The following ATP8A2 variants were observed in gnomAD, a reference collection of about 807,000 sequenced individuals.
ATP8A2 encodes phospholipid-transporting ATPase IB.
In ATP8A2, 100 loss-of-function variants were observed where a neutral mutation model predicts 165.6. The observed-to-expected ratio is 0.60, with a 90% confidence interval of 0.51 to 0.71. The LOEUF is 0.71. Among genes scored for constraint, ATP8A2 ranks in the 30% least tolerant of loss-of-function variants. The pLI is 0.00. For missense variants in ATP8A2, 1,227 were observed against 1,479.5 expected (o/e 0.83, Z 2.80); for synonymous variants, 543 against 548.8 (o/e 0.99, Z 0.15).
intron 33 of ATP8A2, among the ~76,000 whole-genome samples, chr13:25,869,599 A>G (rs9553667): frequency 0.035 from 5,373 of 152,330 alleles, 208 homozygotes; most frequent in East Asian, 0.18. Flanking sequence ...GATAATATCT[A>G]TCTTAGGATT....
At chr13:25,432,692 C>A (rs1331717015) in intron 1 of ATP8A2, among the ~76,000 whole-genome samples, 2 of 151,932 alleles carry the variant, frequency 1.3e-5, no homozygotes, top group Non-Finnish European at 2.9e-5. Flanking sequence ...ATGATACAAC[C>A]ATGTTTATAA....
intron 33 of ATP8A2, among the ~76,000 whole-genome samples, chr13:25,948,082 A>G (rs544986314): frequency 6.6e-6 from 1 of 152,304 alleles, no homozygotes; most frequent in Admixed American, 6.5e-5. Flanking sequence ...CAGCATCACT[A>G]TTAACACTTA....
At chr13:25,603,174 G>T (rs1428981975) in intron 24 of ATP8A2, among the ~76,000 whole-genome samples, 1 of 151,986 alleles carries the variant, frequency 6.6e-6, no homozygotes, top group Non-Finnish European at 1.5e-5. Flanking sequence ...CTTTGACTTG[G>T]TAATGAATAC....
chr13:25,804,284 T>C (rs919138604), intron 27 of ATP8A2, among the ~76,000 whole-genome samples: 1 of 152,124 alleles, frequency 6.6e-6, no homozygotes, highest in Non-Finnish European at 1.5e-5. Flanking sequence ...TGTTACCAAA[T>C]ATTACAGCTT....
intron 24 of ATP8A2, among the ~76,000 whole-genome samples, chr13:25,690,252 GTC>G (rs1234539756): frequency 3.3e-5 from 5 of 151,790 alleles, no homozygotes; most frequent in African/African-American, 9.7e-5. Context: ...TGCATAAATA[GTC>G]TCTTTCTTAC....
At chr13:25,520,789 T>A (rs181472733) in intron 2 of ATP8A2, among the ~76,000 whole-genome samples, 1,861 of 151,088 alleles carry the variant, frequency 0.012, 43 homozygotes, top group African/African-American at 0.043. Context: ...ATATATATAT[T>A]TTTTTTAGTA....
intron 15 of ATP8A2, among the ~76,000 whole-genome samples, chr13:25,561,183 C>T (rs1368626496): frequency 6.6e-6 from 1 of 152,138 alleles, no homozygotes; most frequent in Non-Finnish European, 1.5e-5. Flanking sequence ...ATTCATTGGA[C>T]CACCAGTGGG....
At chr13:25,438,675 A>G (rs1286537938) in intron 1 of ATP8A2, among the ~76,000 whole-genome samples, 1 of 152,042 alleles carries the variant, frequency 6.6e-6, no homozygotes, top group African/African-American at 2.4e-5. Flanking sequence ...GAGATAAGAA[A>G]AGAAGAAAAG....
At chr13:25,716,522 A>C (rs1388043537) in intron 25 of ATP8A2, among the ~76,000 whole-genome samples, 2 of 152,154 alleles carry the variant, frequency 1.3e-5, no homozygotes, top group Non-Finnish European at 2.9e-5. Context: ...GTCCAGTTTC[A>C]TGCTTTTGCA....
Position 25,716,347 on chromosome 13 carries a change from C to CT in ATP8A2, c.2384+17010dup, listed in dbSNP as rs975296907. On this transcript the variant is annotated intron_variant, in intron 25 of 36. Transcript: ENST00000381655. ...ATTTTGATGAAGCCCAGTTTATCTA[C>CT]TTTTTTTTGTTGTTGCTTATGGGGT... 2.6e-5 allele frequency among the ~76,000 whole-genome samples: 4 copies of CT among 152,048 alleles called. No individual in the cohort carries two copies. The East Asian group carries it at 5.8e-4, about 22-fold the overall frequency.
chr13:25,715,202 G>A (rs770759906), intron 25 of ATP8A2, among the ~76,000 whole-genome samples: 8 of 152,128 alleles, frequency 5.3e-5, no homozygotes, highest in Admixed American at 2.0e-4. Context: ...GGCTGGAGGA[G>A]AAAACTGGGG....
intron 27 of ATP8A2, among the ~76,000 whole-genome samples, chr13:25,795,092 A>G (rs1360475430): frequency 7.2e-5 from 11 of 152,134 alleles, no homozygotes; most frequent in African/African-American, 2.7e-4. Flanking sequence ...GTTGGAAAAA[A>G]ACTAAAGCTT....
At chr13:25,496,288 CTG>C (rs1240908384) in intron 2 of ATP8A2, among the ~76,000 whole-genome samples, 1 of 152,142 alleles carries the variant, frequency 6.6e-6, no homozygotes, top group Non-Finnish European at 1.5e-5. Flanking sequence ...TCTGGGGAAA[CTG>C]AGAGTCTCAC....
At chr13:25,960,919 C>G (rs1399694816) in intron 33 of ATP8A2, among the ~76,000 whole-genome samples, 1 of 152,182 alleles carries the variant, frequency 6.6e-6, no homozygotes, top group Non-Finnish European at 1.5e-5. Flanking sequence ...TGTCCTTCTA[C>G]CCATCTCTAG....
intron 4 of ATP8A2, among the ~76,000 whole-genome samples, chr13:25,530,973 T>C (rs915348993): frequency 2.0e-5 from 3 of 151,972 alleles, no homozygotes; most frequent in Non-Finnish European, 2.9e-5. Context: ...ATTGCTGTGT[T>C]GTCTAGGATG....
At position 25,372,600 on chromosome 13, in the gene ATP8A2, C is replaced by A. The variant is rs1181165676; in HGVS notation, c.76+312C>A. Reference sequence around the variant, plus strand: ...CTGTGCGCGTGCCCGTGCGCCCCTACGCGCGGATGCGGCTCAGGGATGCGA... The same window carrying A: ...CTGTGCGCGTGCCCGTGCGCCCCTAAGCGCGGATGCGGCTCAGGGATGCGA... On this transcript the variant is annotated intron_variant, in intron 1 of 36. Coordinates refer to ENST00000381655, the MANE Select transcript of ATP8A2 (RefSeq NM_016529.6). The surrounding 1 kb of genome is among the most constrained non-coding windows in gnomAD (Gnocchi z 4.8). 6.6e-6 allele frequency among the ~76,000 whole-genome samples: 1 copy of A among 152,210 alleles called. No homozygotes were observed. Among genetic ancestry groups the A allele is most frequent in the Non-Finnish European group, 1.5e-5 (1 of 68,032 alleles).
intron 33 of ATP8A2, among the ~76,000 whole-genome samples, chr13:25,871,496 C>T (rs917989668): frequency 1.3e-5 from 2 of 151,950 alleles, no homozygotes; most frequent in Admixed American, 6.6e-5. Flanking sequence ...CCACCAAGTC[C>T]GGTTATGCAA....
At chr13:25,575,319 T>C (rs1206102646) in intron 19 of ATP8A2, among the ~76,000 whole-genome samples, 1 of 152,222 alleles carries the variant, frequency 6.6e-6, no homozygotes, top group African/African-American at 2.4e-5. Context: ...CGTAGGGAAG[T>C]TTTCCTGGAC....
intron 1 of ATP8A2, among the ~76,000 whole-genome samples, chr13:25,440,243 C>T (rs771598681): frequency 1.3e-5 from 2 of 152,130 alleles, no homozygotes; most frequent in Non-Finnish European, 2.9e-5. Flanking sequence ...GGAAAGTAAG[C>T]AAGCCAAGGA....
Sources: allele counts gnomAD v4.1 joint callset (sites outside exome capture counted in the v4.1 genomes callset), GRCh38; gene constraint gnomAD v4.1.1; non-coding constraint Gnocchi (gnomAD v3.1); transcripts MANE v1.5; gene names NCBI Gene and HGNC (gene_info 2026-07-23, HGNC 2026-07-21).